Variants in IGFL2 observed in about 807,000 individuals in gnomAD.
IGFL2 encodes IGF like family member 2, also known as insulin growth factor-like family member 2.
IGFL2 carries 7 observed loss-of-function variants against 13.9 expected under a neutral mutation model. That is an observed-to-expected ratio of 0.51 (90% confidence interval 0.29 to 0.95). IGFL2 has a LOEUF of 0.95. IGFL2 is among the 40% of genes least tolerant of loss of function. The probability of loss-of-function intolerance (pLI) is 0.08; values close to 1 mark genes in which losing one functional copy is unlikely to be tolerated. For synonymous variants in IGFL2, 55 were observed against 55.8 expected (o/e 0.99, Z 0.07); for missense variants, 138 against 147.8 (o/e 0.93, Z 0.34).
intron 1 of IGFL2, among the ~76,000 whole-genome samples, chr19:46,158,065 A>G (rs1158042923): frequency 5.9e-5 from 9 of 152,228 alleles, no homozygotes; most frequent in Non-Finnish European, 1.3e-4. Context: ...AGTTAGGTGT[A>G]AATCTAACAA....
the IGFL2 span, among the ~76,000 whole-genome samples, chr19:46,174,612 G>A: frequency 4.6e-5 from 7 of 152,130 alleles, no homozygotes; most frequent in Admixed American, 1.3e-4. Context: ...TATAATAAAT[G>A]TATGAGGAGT....
At chr19:46,209,434 A>G in the IGFL2 span, 9 of 152,224 alleles carry the variant, frequency 5.9e-5, no homozygotes, top group Non-Finnish European at 1.5e-5. Context: ...CCCTCCCAAC[A>G]TAGGACACAC....
the IGFL2 span, chr19:46,204,327 G>GT: frequency 5.3e-5 from 8 of 152,346 alleles, no homozygotes; most frequent in Non-Finnish European, 1.2e-4. Context: ...GGACTGGGGG[G>GT]GGTTGCTGGG....
intron 1 of IGFL2, among the ~76,000 whole-genome samples, chr19:46,150,362 G>T (rs1973410784): frequency 6.6e-6 from 1 of 152,052 alleles, no homozygotes; most frequent in African/African-American, 2.4e-5. Context: ...GCAGTGCATA[G>T]GTTTTTAATT....
upstream of IGFL2, among the ~76,000 whole-genome samples, chr19:46,143,876 C>T (rs1234183078): frequency 6.6e-6 from 1 of 152,228 alleles, no homozygotes; most frequent in Non-Finnish European, 1.5e-5. Flanking sequence ...CACATTCCCT[C>T]ACTCAGACCC....
chr19:46,156,157 T>C lies in IGFL2; in HGVS notation c.20-4258T>C, dbSNP rs527919584. ...ATTTTAGAATCACTTTGTTAACTTA[T>C]ACAAAACCTTGCTGTAATATTTATT... is the stretch of plus-strand genomic sequence containing the variant. On this transcript the variant is annotated intron_variant, in intron 1 of 3. Coordinates refer to ENST00000377693, the MANE Select transcript of IGFL2 (RefSeq NM_001135113.2). 8.4e-4 allele frequency among the ~76,000 whole-genome samples: 128 copies of C among 152,302 alleles called. 2 individuals are homozygous for C. The Middle Eastern group carries it at 0.017, about 20-fold the overall frequency.
chr19:46,102,084 G>A, the IGFL2 span, among the ~76,000 whole-genome samples: 1 of 152,170 alleles, frequency 6.6e-6, no homozygotes, highest in Admixed American at 6.5e-5. Flanking sequence ...GGGTAACAAA[G>A]AAGTAAATTT....
the IGFL2 span, among the ~76,000 whole-genome samples, chr19:46,087,153 G>C: frequency 6.6e-6 from 1 of 152,146 alleles, no homozygotes; most frequent in African/African-American, 2.4e-5. Flanking sequence ...ATTTGGATGG[G>C]TGGACAGGTT....
intron 1 of IGFL2, among the ~76,000 whole-genome samples, chr19:46,149,587 AT>A (rs1391101992): frequency 2.0e-5 from 3 of 151,546 alleles, no homozygotes; most frequent in African/African-American, 7.3e-5. Flanking sequence ...GTCTCTATGG[AT>A]TTACCTATCT....
chr19:46,182,094 C>T, the IGFL2 span, among the ~76,000 whole-genome samples: 6 of 152,046 alleles, frequency 3.9e-5, no homozygotes, highest in East Asian at 1.9e-4. Flanking sequence ...CTGGACCAGG[C>T]GCAGTGGCTC....
the IGFL2 span, among the ~76,000 whole-genome samples, chr19:46,168,627 A>C: frequency 6.6e-6 from 1 of 152,156 alleles, no homozygotes; most frequent in African/African-American, 2.4e-5. Flanking sequence ...AAACCCATGA[A>C]AACTGACAAA....
the IGFL2 span, among the ~76,000 whole-genome samples, chr19:46,200,151 C>A: frequency 1.3e-5 from 2 of 151,884 alleles, no homozygotes; most frequent in Non-Finnish European, 2.9e-5. Flanking sequence ...CGCACCTGCC[C>A]TAATTTTTTT....
chr19:46,172,228 C>T, the IGFL2 span, among the ~76,000 whole-genome samples: 4 of 152,080 alleles, frequency 2.6e-5, no homozygotes, highest in African/African-American at 9.7e-5. Context: ...TCCTGATTAT[C>T]AAGGGGGGAA....
the IGFL2 span, among the ~76,000 whole-genome samples, chr19:46,079,389 A>G: frequency 6.6e-6 from 1 of 152,230 alleles, no homozygotes; most frequent in Non-Finnish European, 1.5e-5. Context: ...CGCCTAGAAA[A>G]TGGAGCTCAG....
chr19:46,153,832 T>C (rs1316144498), intron 1 of IGFL2, among the ~76,000 whole-genome samples: 1 of 146,420 alleles, frequency 6.8e-6, no homozygotes, highest in Non-Finnish European at 1.5e-5. Context: ...TATATATATA[T>C]ATATATATTT....
chr19:46,179,334 C>T, the IGFL2 span, among the ~76,000 whole-genome samples: 93 of 111,792 alleles, frequency 8.3e-4, 1 homozygote, highest in Middle Eastern at 0.019. Flanking sequence ...CTGAGCAGAG[C>T]TGGTCATAGG....
chr19:46,163,431 AT>A (rs1447042370), downstream of IGFL2, among the ~76,000 whole-genome samples: 1 of 152,204 alleles, frequency 6.6e-6, no homozygotes. Flanking sequence ...AAGGTGGAGC[AT>A]CTGTGCCGTG....
chr19:46,214,130 C>G, the IGFL2 span: 2 of 152,432 alleles, frequency 1.3e-5, no homozygotes, highest in East Asian at 3.9e-4. Flanking sequence ...TCCCCCAACG[C>G]GAGGTATTGA....
chr19:46,128,530 TTTA>T, the IGFL2 span, among the ~76,000 whole-genome samples: 232 of 152,332 alleles, frequency 1.5e-3, 1 homozygote, highest in African/African-American at 4.9e-3. Context: ...CAATACCTAG[TTTA>T]TTGAGAGTTT....
Sources: allele counts gnomAD v4.1 joint callset (sites outside exome capture counted in the v4.1 genomes callset), GRCh38; gene constraint gnomAD v4.1.1; transcripts MANE v1.5; gene names NCBI Gene and HGNC (gene_info 2026-07-23, HGNC 2026-07-21).